PPP2R2D: variants seen among roughly 807,000 people sequenced by gnomAD.
The protein encoded by PPP2R2D is protein phosphatase 2 regulatory subunit Bdelta.
In PPP2R2D, 9 loss-of-function variants were observed where a neutral mutation model predicts 31.1. The ratio of observed to expected loss-of-function variants is 0.29; its 90% CI spans 0.17 to 0.51. PPP2R2D has a LOEUF of 0.51. PPP2R2D is among the 20% of genes least tolerant of loss of function. The pLI, the probability that PPP2R2D is intolerant of heterozygous loss-of-function variation, is 0.98. For missense variants in PPP2R2D, 391 were observed against 465.6 expected (o/e 0.84, Z 1.48); for synonymous variants, 179 against 172.6 (o/e 1.04, Z -0.29).
Position 131,947,446 on chromosome 10 carries a change from G to A in PPP2R2D, c.821-84G>A. The A allele has an allele frequency of 1.4e-6, 2 of 1,428,262 alleles. No homozygotes were observed. The highest frequency in any genetic ancestry group is 1.9e-6 in the Non-Finnish European group (2 of 1,057,206). 88.5% of individuals were successfully genotyped at this position (1,428,262 alleles called of 1,614,324 possible). A position where few individuals can be genotyped will look rare whatever the true frequency, so the allele number is the denominator to read the frequency against. On this transcript the variant is annotated intron_variant, in intron 7 of 8. Transcript: ENST00000455566. This position sits in a 1 kb window ranked among gnomAD's most constrained non-coding sequence, Gnocchi z 4.3. ...CAAGCCCTTCCAGAGTCTCTCTGAA[G>A]GGGCCACTTCCTACTTGAACTTGAA...
chr10:131,936,844 G>A (rs1554896579), intron 3 of PPP2R2D, among the ~76,000 whole-genome samples: 2 of 152,116 alleles, frequency 1.3e-5, no homozygotes, highest in African/African-American at 4.8e-5. Context: ...TTCGTATTTC[G>A]GTTCACGTCT....
chr10:131,955,008 G>A (rs1240724369), intron 8 of PPP2R2D, among the ~76,000 whole-genome samples: 2 of 152,186 alleles, frequency 1.3e-5, no homozygotes, highest in Non-Finnish European at 2.9e-5. Context: ...GATTGCAGAG[G>A]TTTTTACCAG....
At chr10:131,921,919 A>G (rs1424584494) in intron 2 of PPP2R2D, among the ~76,000 whole-genome samples, 3 of 152,204 alleles carry the variant, frequency 2.0e-5, no homozygotes, top group African/African-American at 7.2e-5. Context: ...TTTGCTTAAT[A>G]TGTTTGAGAG....
At position 131,934,303 on chromosome 10, in the gene PPP2R2D, C is replaced by G; in HGVS notation, c.101-155C>G. 5 of 569,774 alleles carry G rather than the reference C, an allele frequency of 8.8e-6. No homozygotes were observed. In the East Asian group the frequency reaches 1.5e-4, roughly 17 times the overall value. The allele number at this position is 569,774 out of a possible 1,614,324, so 35.3% of individuals were successfully genotyped here. A position where few individuals can be genotyped will look rare whatever the true frequency, so the allele number is the denominator to read the frequency against. ...CTGCACCAGAACCAATAAGTGGCCA[C>G]TTGGTAATTACAAGTTTGCCAAGAC... On this transcript the variant is annotated intron_variant, in intron 2 of 8. Transcript: ENST00000455566.
intron 2 of PPP2R2D, among the ~76,000 whole-genome samples, chr10:131,931,190 T>C (rs1359169167): frequency 6.6e-6 from 1 of 152,142 alleles, no homozygotes; most frequent in Non-Finnish European, 1.5e-5. Flanking sequence ...CTGGCTACGT[T>C]AGTACAGGGC....
intron 2 of PPP2R2D, among the ~76,000 whole-genome samples, chr10:131,931,798 A>G (rs2036233657): frequency 6.6e-6 from 1 of 152,062 alleles, no homozygotes; most frequent in African/African-American, 2.4e-5. Context: ...GTAAAACCCA[A>G]ATGTTTGAAT....
chr10:131,925,381 A>G (rs913387976), intron 2 of PPP2R2D, among the ~76,000 whole-genome samples: 3 of 152,188 alleles, frequency 2.0e-5, no homozygotes, highest in African/African-American at 7.2e-5. Context: ...TAAATGCTTT[A>G]TCTGCATTTA....
intron 2 of PPP2R2D, among the ~76,000 whole-genome samples, chr10:131,907,172 T>C (rs1005254159): frequency 1.3e-5 from 2 of 152,146 alleles, no homozygotes; most frequent in Admixed American, 1.3e-4. Context: ...GTACAGATAA[T>C]GGGCATTTGG....
chr10:131,914,271 G>A (rs2035734973), intron 2 of PPP2R2D, among the ~76,000 whole-genome samples: 2 of 152,190 alleles, frequency 1.3e-5, no homozygotes, highest in African/African-American at 4.8e-5. Flanking sequence ...AAGGCAGGAG[G>A]ATCCCTTGAG....
chr10:131,971,440 G>A, the PPP2R2D span: 1 of 162,306 alleles, frequency 6.2e-6, no homozygotes, highest in Non-Finnish European at 1.3e-5. Flanking sequence ...ATAAGCAGGA[G>A]GGAAAAGGCA....
At chr10:131,935,093 G>T in intron 3 of PPP2R2D, 1 of 396,638 alleles carries the variant, frequency 2.5e-6, no homozygotes, top group South Asian at 1.8e-5. Context: ...CCTTGGAGGA[G>T]CCCACAGCTC....
intron 8 of PPP2R2D, 74 bp from the exon 9 acceptor site, chr10:131,955,610 C>T: frequency 3.0e-6 from 4 of 1,321,956 alleles, no homozygotes; most frequent in Non-Finnish European, 3.9e-6. Context: ...CTGTGCACCC[C>T]AGGGGTGGGG....
At chr10:131,946,956 G>C (rs1427750329) in intron 7 of PPP2R2D, among the ~76,000 whole-genome samples, 1 of 152,098 alleles carries the variant, frequency 6.6e-6, no homozygotes, top group African/African-American at 2.4e-5. Flanking sequence ...CGTCTTGGTG[G>C]TTAAAATCAG....
chr10:131,961,229 C>T (rs114699230), downstream of PPP2R2D, among the ~76,000 whole-genome samples: 1,657 of 152,316 alleles, frequency 0.011, 27 homozygotes, highest in African/African-American at 0.037. Flanking sequence ...CCTTGGGTCC[C>T]GTCCTCCGAG....
At chr10:131,960,096 T>C (rs2120109213), downstream of PPP2R2D, among the ~76,000 whole-genome samples, 1 of 152,370 alleles carries the variant, frequency 6.6e-6, no homozygotes, top group Non-Finnish European at 1.5e-5. Flanking sequence ...TGTCCGTTTC[T>C]GTGGGTTCTC....
At chr10:131,920,918 C>T (rs572890525) in intron 2 of PPP2R2D, among the ~76,000 whole-genome samples, 1 of 152,264 alleles carries the variant, frequency 6.6e-6, no homozygotes, top group African/African-American at 2.4e-5. Flanking sequence ...GGCAACATAG[C>T]GAGACCCTGT....
rs1369860534 is a variant in PPP2R2D, at chr10:131,956,401, C to T, written c.*438C>T. On this transcript the variant is annotated 3_prime_UTR_variant, in exon 9 of 9. Transcript: ENST00000455566. The stretch of plus-strand genomic sequence containing the variant: ...TGGCCACCGTCCGTGTCCTCTCGGC[C>T]TTCCTCCGAGTCCAGGTGGACTCTG... 2 of 986,022 alleles carry T rather than the reference C, an allele frequency of 2.0e-6. No individual in the cohort carries two copies. Among genetic ancestry groups the T allele is most frequent in the Admixed American group, 6.1e-5 (1 of 16,280 alleles). 61.1% of individuals were successfully genotyped at this position (986,022 alleles called of 1,614,324 possible). A position where few individuals can be genotyped will look rare whatever the true frequency, so the allele number is the denominator to read the frequency against.
intron 2 of PPP2R2D, among the ~76,000 whole-genome samples, chr10:131,924,637 G>T: frequency 6.6e-6 from 1 of 151,368 alleles, no homozygotes; most frequent in East Asian, 1.9e-4. Flanking sequence ...AGATCATTTT[G>T]GCTATTCTGA....
rs782703051 is a variant in PPP2R2D, at chr10:131,955,876, C to T, written c.1275C>T (p.Ile425=). The T allele has an allele frequency of 3.7e-6, 6 of 1,608,558 alleles. No individual in the cohort carries two copies. The highest frequency in any genetic ancestry group is 3.3e-5 in the South Asian group (3 of 90,180). ...SVDSLDFNKK[I]LHTAWHPVDN... is the part of the protein sequence containing the mutation. The stretch of plus-strand genomic sequence containing the variant: ...ACAGTCTGGACTTCAACAAGAAGAT[C>T]CTGCACACAGCCTGGCACCCCGTGG... Residue 425 remains isoleucine, a synonymous_variant, in exon 9 of 9, where the codon ATC becomes ATT. Transcript: ENST00000455566.
Sources: gnomAD v4.1 joint callset for allele counts (sites outside exome capture counted in the v4.1 genomes callset) on GRCh38, gnomAD v4.1.1 for gene constraint, Gnocchi (gnomAD v3.1) non-coding constraint, MANE v1.5 for transcripts, NCBI Gene and HGNC (gene_info 2026-07-23, HGNC 2026-07-21) for gene names.